The following SEC16B variants were observed in gnomAD, a reference collection of about 807,000 sequenced individuals.
SEC16B encodes the protein SEC16 homolog B, endoplasmic reticulum export factor.
In SEC16B, 115 loss-of-function variants were observed where a neutral mutation model predicts 141.8. The observed-to-expected ratio is 0.81, with a 90% CI of 0.70 to 0.95. The LOEUF (loss-of-function observed/expected upper bound fraction) is 0.95. Ranked by LOEUF, SEC16B falls within the 40% of genes least tolerant of loss-of-function variation. The pLI is 0.00. For synonymous variants in SEC16B, 493 were observed against 492.5 expected (o/e 1.00, Z -0.01); for missense variants, 1,291 against 1,312.3 (o/e 0.98, Z 0.25).
At chr1:177,937,657 T>C in intron 18 of SEC16B, 144 bp from the exon 19 acceptor site, 1 of 648,264 alleles carries the variant, frequency 1.5e-6, no homozygotes, top group Non-Finnish European at 2.6e-6. Context: ...AGTAACATGA[T>C]GACAAGTAAA....
Position 177,937,502 on chromosome 1 carries a change from A to G in SEC16B, c.2215T>C (p.Tyr739His). Residue 739 changes from tyrosine (Y) to histidine (H), a missense_variant, in exon 19 of 26, where the codon TAC becomes CAC. Tyr to His is a moderately conservative substitution (Grantham distance 83, BLOSUM62 2). Transcript: ENST00000308284. ...CCTTGACATCCAGAAAAGTCCTGGTAGAAAGTGTTTTCTAAGGACGTGGAA... is the reference window on the plus strand; with the variant it reads ...CCTTGACATCCAGAAAAGTCCTGGTGGAAAGTGTTTTCTAAGGACGTGGAA... Reference protein sequence around the residue: ...AGGTTTENTFYQDFSGCQGYS... With the variant: ...AGGTTTENTFHQDFSGCQGYS... 6.5e-7 allele frequency: 1 copy of G among 1,548,816 alleles called. No homozygotes were observed. The highest frequency in any genetic ancestry group is 8.7e-7 in the Non-Finnish European group (1 of 1,148,872).
upstream of SEC16B, chr1:177,970,232 A>C (rs892127425): frequency 6.6e-6 from 1 of 152,358 alleles, no homozygotes; most frequent in African/African-American, 2.4e-5. Flanking sequence ...CGGAAGAGAG[A>C]CATCAGGAAG....
chr1:177,970,814 T>C (rs941960630), upstream of SEC16B, among the ~76,000 whole-genome samples: 1 of 152,212 alleles, frequency 6.6e-6, no homozygotes, highest in Admixed American at 6.5e-5. Flanking sequence ...CTGAATTTGC[T>C]CTTTTAAAAA....
intron 16 of SEC16B, 121 bp downstream of exon 16, chr1:177,941,773 ATGGCCG>A: frequency 9.5e-7 from 1 of 1,048,912 alleles, no homozygotes; most frequent in Non-Finnish European, 1.4e-6. Context: ...ATGGTCAAAG[ATGGCCG>A]TGGGCTCCAA....
chr1:177,943,398 C>CTG (rs1651428907), intron 15 of SEC16B, among the ~76,000 whole-genome samples: 1 of 152,160 alleles, frequency 6.6e-6, no homozygotes, highest in Non-Finnish European at 1.5e-5. Flanking sequence ...TGTAACAAAC[C>CTG]TGCACATTCA....
rs9633310 is a variant in SEC16B at position 177,965,840 on chromosome 1, G to C, written c.412+53C>G. 207 of 1,173,726 alleles carry C rather than the reference G, an allele frequency of 1.8e-4. 1 individual carries two copies. The East Asian group carries it at 4.6e-3, about 26-fold the overall frequency. 72.7% of individuals were successfully genotyped at this position (1,173,726 alleles called of 1,614,324 possible). On this transcript the variant is annotated intron_variant, in intron 3 of 25. Coordinates refer to ENST00000308284, the MANE Select transcript of SEC16B (RefSeq NM_033127.4). ...CCTTTGGTCTCTCCCCTGCCTCTCA[G>C]ACCAGCTGCCCCATCCCCAAATCCC...
intron 10 of SEC16B, among the ~76,000 whole-genome samples, chr1:177,956,014 T>A (rs1037410187): frequency 6.6e-6 from 1 of 152,248 alleles, no homozygotes; most frequent in African/African-American, 2.4e-5. Flanking sequence ...TTATATAGGC[T>A]ATAGAGCAGA....
chr1:177,961,314 T>C (rs778000804), intron 6 of SEC16B: 2 of 476,354 alleles, frequency 4.2e-6, no homozygotes, highest in Non-Finnish European at 7.4e-6. Context: ...TAATTCTCTC[T>C]GGTCTTCCCT....
chr1:177,952,582 T>C (rs140880319), intron 11 of SEC16B, among the ~76,000 whole-genome samples: 99 of 152,280 alleles, frequency 6.5e-4, no homozygotes, highest in Middle Eastern at 3.4e-3. Flanking sequence ...TTAACAAGGA[T>C]ATAATAAGCT....
Position 177,958,195 on chromosome 1 carries a change from A to C in SEC16B, c.1302T>G (p.Ser434Arg). ...PNLLTGEIPP[S>R]VETPAQIVEK... Reference sequence around the variant, plus strand: ...CCACGATCTGCGCAGGTGTCTCCACACTGGGGGGGATCTCTCCCGTGAGCA... The same window carrying C: ...CCACGATCTGCGCAGGTGTCTCCACCCTGGGGGGGATCTCTCCCGTGAGCA... The change falls in exon 10 of 26, where the codon AGT becomes AGG. Residue 434 changes from serine (S) to arginine (R), a missense_variant. Ser to Arg is a moderately radical substitution (Grantham distance 110). This residue lies in a region of SEC16B where 681 missense variants were observed against 675.5 expected (regional missense o/e 1.01). Transcript: ENST00000308284. 6.3e-7 allele frequency: 1 copy of C among 1,596,904 alleles called. No homozygotes were observed. The highest frequency in any genetic ancestry group is 1.7e-5 in the Admixed American group (1 of 58,456).
In SEC16B at chr1:177,960,778, G is replaced by A. The variant is rs1318074709; in HGVS notation, c.936+13C>T. 4 of 1,597,090 alleles carry A rather than the reference G, an allele frequency of 2.5e-6. No individual in the cohort carries two copies. The highest frequency in any genetic ancestry group is 3.4e-6 in the Non-Finnish European group (4 of 1,170,794). ...AGTGTGCCAGCATTCCAGGGACACTGGGTCTTCTTTACCTCCATGCTGTGC... is the reference window on the plus strand; with the variant it reads ...AGTGTGCCAGCATTCCAGGGACACTAGGTCTTCTTTACCTCCATGCTGTGC... On this transcript the variant is annotated intron_variant, in intron 7 of 25. Coordinates refer to ENST00000308284, the MANE Select transcript of SEC16B (RefSeq NM_033127.4).
chr1:177,981,794 TA>T (rs1330833690), intron 1 of SEC16B, among the ~76,000 whole-genome samples: 1 of 152,130 alleles, frequency 6.6e-6, no homozygotes, highest in Non-Finnish European at 1.5e-5. Flanking sequence ...TCTTAGGCAG[TA>T]AATATGAGTC....
chr1:177,960,227 A>G, intron 8 of SEC16B, 115 bp downstream of exon 8: 1 of 733,868 alleles, frequency 1.4e-6, no homozygotes, highest in Admixed American at 2.2e-5. Context: ...CACTCCAACA[A>G]GGACAGATAT....
chr1:177,953,780 A>G (rs952819990), intron 11 of SEC16B, among the ~76,000 whole-genome samples: 7 of 152,116 alleles, frequency 4.6e-5, no homozygotes, highest in East Asian at 1.9e-4. Context: ...ACTGCCGCCA[A>G]TGCAGACTTC....
chr1:177,957,305 A>C (rs1652686449), intron 10 of SEC16B, among the ~76,000 whole-genome samples: 1 of 152,030 alleles, frequency 6.6e-6, no homozygotes, highest in Non-Finnish European at 1.5e-5. Context: ...AATATGATAC[A>C]TTAATATGAT....
chr1:177,937,357 C>T lies in SEC16B; in HGVS notation c.2360G>A (p.Gly787Glu). ...CGGTGTCCCTGTCTGCCCTGCACCC[C>T]CTCCTGCTGGGTAGGAGCCCGGCTG... ...PLQPGSYPAG[G>E]GAGQTGTPRP... The change falls in exon 19 of 26, where the codon GGG becomes GAG. Residue 787 changes from glycine (G) to glutamate (E), a missense_variant. Physicochemically the swap from Gly to Glu is moderately conservative, Grantham distance 98. Around this residue, in one of 3 missense-constraint regions of SEC16B, gnomAD observed 605 missense variants for 614.1 expected, o/e 0.99. Transcript: ENST00000308284. 6.2e-7 allele frequency: 1 copy of T among 1,613,544 alleles called. No individual in the cohort carries two copies.
chr1:177,960,333 G>A lies in SEC16B; in HGVS notation c.998+9C>T, dbSNP rs150566217. Reference sequence around the variant, plus strand: ...AAGCCCTTACTCAGCAGCTCTTACAGCACTATACCTAATCAAGGGTCCTGA... The same window carrying A: ...AAGCCCTTACTCAGCAGCTCTTACAACACTATACCTAATCAAGGGTCCTGA... On this transcript the variant is annotated intron_variant, in intron 8 of 25. Coordinates refer to ENST00000308284, the MANE Select transcript of SEC16B (RefSeq NM_033127.4). 4.4e-6 allele frequency: 7 copies of A among 1,578,128 alleles called. No individual in the cohort carries two copies. In the East Asian group the frequency reaches 1.6e-4, roughly 35 times the overall value.
intron 23 of SEC16B, 54 bp downstream of exon 23, chr1:177,932,644 C>A: frequency 6.6e-7 from 1 of 1,511,238 alleles, no homozygotes; most frequent in Non-Finnish European, 8.9e-7. Context: ...CACCCCAACC[C>A]TTGGGAGTGC....
intron 12 of SEC16B, among the ~76,000 whole-genome samples, chr1:177,948,994 C>T (rs1053667535): frequency 6.6e-6 from 1 of 151,524 alleles, no homozygotes; most frequent in Admixed American, 6.6e-5. Context: ...GCATAGCCGC[C>T]TACCTTCCAA....
Sources: gnomAD v4.1 joint callset for allele counts (sites outside exome capture counted in the v4.1 genomes callset) on GRCh38, gnomAD v4.1.1 for gene constraint, gnomAD v4.1.1 regional missense constraint, MANE v1.5 for transcripts, NCBI Gene and HGNC (gene_info 2026-07-23, HGNC 2026-07-21) for gene names.